Variants in ZNF717 observed in about 807,000 individuals in gnomAD.
The protein encoded by ZNF717 is krueppel-like factor X17.
ZNF717 carries 9 observed loss-of-function variants against 13.8 expected under a neutral mutation model. The observed-to-expected ratio is 0.65, with a 90% confidence interval of 0.39 to 1.14. The LOEUF (loss-of-function observed/expected upper bound fraction) is 1.14. ZNF717 is among the 50% of genes most tolerant of loss of function. The pLI is 0.01. For missense variants in ZNF717, 1,040 were observed against 1,080.7 expected (o/e 0.96, Z 0.53); for synonymous variants, 327 against 364.1 (o/e 0.90, Z 1.16).
chr3:75,781,213 C>T (rs867174885), intron 2 of ZNF717, among the ~76,000 whole-genome samples: 3 of 152,370 alleles, frequency 2.0e-5, no homozygotes, highest in South Asian at 2.1e-4. Context: ...ACAACAGCTG[C>T]GTCTTGGCCA....
chr3:75,721,057 A>T (rs1938157746), intron 4 of ZNF717, among the ~76,000 whole-genome samples: 1 of 152,172 alleles, frequency 6.6e-6, no homozygotes, highest in South Asian at 2.1e-4. Flanking sequence ...AAAACACAAA[A>T]TATTGATTAA....
At chr3:75,727,289 T>A (rs1209154539), downstream of ZNF717, among the ~76,000 whole-genome samples, 53 of 152,326 alleles carry the variant, frequency 3.5e-4, no homozygotes, top group Middle Eastern at 6.8e-3. Flanking sequence ...TTGAACAATA[T>A]GAAATCAGTG....
chr3:75,776,270 T>G (rs986443005), intron 2 of ZNF717, among the ~76,000 whole-genome samples: 2 of 152,288 alleles, frequency 1.3e-5, no homozygotes, highest in African/African-American at 4.8e-5. Context: ...GATTTCTAAA[T>G]TGCTAAAATA....
intron 4 of ZNF717, among the ~76,000 whole-genome samples, chr3:75,718,942 G>A (rs1439370963): frequency 2.6e-5 from 4 of 152,110 alleles, no homozygotes; most frequent in Non-Finnish European, 5.9e-5. Flanking sequence ...AAAGTATTGT[G>A]AAAATATTTA....
intron 4 of ZNF717, among the ~76,000 whole-genome samples, chr3:75,723,440 TC>T (rs1207888300): frequency 6.6e-6 from 1 of 152,174 alleles, no homozygotes; most frequent in African/African-American, 2.4e-5. Flanking sequence ...CAAGAGCTGT[TC>T]CAGTGTAATA....
At chr3:75,734,433 T>TTTTTTTGTTTTTTTG (rs1310891027), downstream of ZNF717, among the ~76,000 whole-genome samples, 4 of 53,448 alleles carry the variant, frequency 7.5e-5, no homozygotes, top group Non-Finnish European at 1.5e-4. Flanking sequence ...GTTTTTTTTG[T>TTTTTTTGTTTTTTTG]TTTTTTGTTT....
intron 2 of ZNF717, among the ~76,000 whole-genome samples, chr3:75,767,263 CA>C (rs1943552422): frequency 1.3e-5 from 2 of 151,634 alleles, no homozygotes; most frequent in East Asian, 1.9e-4. Flanking sequence ...ACTAGTGAGC[CA>C]CCCTGCACAC....
intron 4 of ZNF717, among the ~76,000 whole-genome samples, chr3:75,722,275 A>G (rs1356561950): frequency 1.2e-4 from 19 of 152,212 alleles, no homozygotes; most frequent in Non-Finnish European, 2.4e-4. Context: ...AATTAGTAAT[A>G]TGCTTAAAAA....
At chr3:75,779,992 T>A (rs60216003) in intron 2 of ZNF717, among the ~76,000 whole-genome samples, 14,190 of 118,660 alleles carry the variant, frequency 0.12, 1,152 homozygotes, top group African/African-American at 0.26. Flanking sequence ...TGGGAGTGAC[T>A]TGCTAAAACC....
At chr3:75,763,340 C>T in intron 2 of ZNF717, among the ~76,000 whole-genome samples, 1 of 152,208 alleles carries the variant, frequency 6.6e-6, no homozygotes, top group Non-Finnish European at 1.5e-5. Flanking sequence ...ACTGGTTGAG[C>T]ATCTCAAATT....
chr3:75,756,800 G>A (rs1351936754), intron 2 of ZNF717, among the ~76,000 whole-genome samples: 5 of 152,184 alleles, frequency 3.3e-5, no homozygotes, highest in South Asian at 4.1e-4. Context: ...TCAGCCTCCC[G>A]AGTAGCTGGG....
downstream of ZNF717, among the ~76,000 whole-genome samples, chr3:75,729,111 CATAG>C (rs1938368002): frequency 6.9e-6 from 1 of 144,198 alleles, no homozygotes; most frequent in Non-Finnish European, 1.5e-5. Context: ...TTATACATAA[CATAG>C]ACAAACAGGG....
intron 4 of ZNF717, among the ~76,000 whole-genome samples, chr3:75,740,007 A>T (rs1940171147): frequency 6.6e-6 from 1 of 152,256 alleles, no homozygotes; most frequent in Non-Finnish European, 1.5e-5. Context: ...TAGGCACAGA[A>T]GCTCCAGTCA....
intron 2 of ZNF717, among the ~76,000 whole-genome samples, chr3:75,762,641 T>C (rs1353254631): frequency 1.3e-5 from 2 of 152,172 alleles, no homozygotes; most frequent in Non-Finnish European, 2.9e-5. Context: ...CTACTCGAAG[T>C]GACCTAGATT....
chr3:75,704,631 A>G (rs1446848046), intron 6 of ZNF717, among the ~76,000 whole-genome samples: 1 of 152,306 alleles, frequency 6.6e-6, no homozygotes, highest in Non-Finnish European at 1.5e-5. Context: ...GTTTGGCTAA[A>G]CAAGATGTTT....
At chr3:75,707,395 C>T (rs113334637), downstream of ZNF717, among the ~76,000 whole-genome samples, 2,080 of 81,212 alleles carry the variant, frequency 0.026, no homozygotes, top group East Asian at 0.072. Context: ...TGTCTCCATA[C>T]ACCTCATTGT....
chr3:75,710,782 A>G (rs1344199275), exon 6 of ZNF717: 1 of 152,136 alleles, frequency 6.6e-6, no homozygotes, highest in Non-Finnish European at 1.5e-5. Flanking sequence ...GGAGAAATAC[A>G]TTAGGAAAAT....
rs1203589877 is a variant in ZNF717, at chr3:75,738,931, T to A, written c.692A>T (p.His231Leu). ...ATATTTACCAAAGGTCTGTACTATA[T>A]GAACCCTCTTATGTATAAAGAACAT... is the stretch of plus-strand genomic sequence containing the variant. ...EAMFFIHKRV[H>L]IVQTFGKYNE... Residue 231 changes from histidine to leucine, a missense_variant, in exon 5 of 5, where the codon CAT (histidine) becomes CTT (leucine). His to Leu is a moderately conservative substitution (Grantham distance 99). Coordinates refer to ENST00000652011, the MANE Select transcript of ZNF717 (RefSeq NM_001290208.3). The A allele has an allele frequency of 1.3e-6, 2 of 1,551,448 alleles. No individual in the cohort carries two copies. Among genetic ancestry groups the A allele is most frequent in the Non-Finnish European group, 1.7e-6 (2 of 1,146,976 alleles).
chr3:75,701,254 T>C (rs1349437009), intron 6 of ZNF717, among the ~76,000 whole-genome samples: 1 of 152,304 alleles, frequency 6.6e-6, no homozygotes, highest in African/African-American at 2.4e-5. Context: ...TTGCTTCACA[T>C]ACATGCTCTC....
Sources: gnomAD v4.1 joint callset for allele counts (sites outside exome capture counted in the v4.1 genomes callset) on GRCh38, gnomAD v4.1.1 for gene constraint, MANE v1.5 for transcripts, NCBI Gene and HGNC (gene_info 2026-07-23, HGNC 2026-07-21) for gene names.